The following ACTN1 variants were observed in gnomAD, a reference collection of about 807,000 sequenced individuals.
The protein encoded by ACTN1 is actinin alpha 1.
ACTN1 carries 30 observed loss-of-function variants against 119.6 expected under a neutral mutation model. The ratio of observed to expected loss-of-function variants is 0.25; its 90% confidence interval spans 0.19 to 0.34. The LOEUF (loss-of-function observed/expected upper bound fraction) is 0.34, where lower values mean the gene tolerates loss of function less well. Among genes scored for constraint, ACTN1 ranks in the 10% least tolerant of loss-of-function variants. ACTN1 has a pLI of 1.00. For missense variants in ACTN1, 764 were observed against 1,223.4 expected, an observed-to-expected ratio of 0.62 and a Z score of 5.60; for synonymous variants, 429 against 472.6, an observed-to-expected ratio of 0.91 and a Z score of 1.20.
At chr14:68,901,389 A>C (rs2033321738) in intron 8 of ACTN1, among the ~76,000 whole-genome samples, 1 of 151,852 alleles carries the variant, frequency 6.6e-6, no homozygotes, top group African/African-American at 2.4e-5. Flanking sequence ...CTGGGATTAC[A>C]GGAGGGTGCT....
intron 21 of ACTN1, among the ~76,000 whole-genome samples, chr14:68,875,542 C>A (rs1461095177): frequency 6.6e-6 from 1 of 152,258 alleles, no homozygotes; most frequent in Non-Finnish European, 1.5e-5. Context: ...GCGGGCCTTG[C>A]CCCATGCAAG....
At chr14:68,950,027 G>A (rs8011633) in intron 1 of ACTN1, among the ~76,000 whole-genome samples, 45,943 of 151,960 alleles carry the variant, frequency 0.3, 8,062 homozygotes, top group African/African-American at 0.49. Context: ...TGGGCGCTGC[G>A]GCTCACACCT....
At chr14:68,958,847 G>A (rs575136891) in intron 1 of ACTN1, among the ~76,000 whole-genome samples, 5 of 152,282 alleles carry the variant, frequency 3.3e-5, no homozygotes, top group East Asian at 3.9e-4. Context: ...CTTCCTGAAG[G>A]GCCTCATCCC....
chr14:68,935,725 C>G (rs2035470882), intron 1 of ACTN1, among the ~76,000 whole-genome samples: 1 of 152,292 alleles, frequency 6.6e-6, no homozygotes, highest in East Asian at 1.9e-4. Flanking sequence ...AACACACAAT[C>G]CAGGCCATCC....
At chr14:68,934,317 G>A (rs566174396) in intron 1 of ACTN1, among the ~76,000 whole-genome samples, 171 of 152,362 alleles carry the variant, frequency 1.1e-3, no homozygotes, top group Admixed American at 2.4e-3. Flanking sequence ...GGCAGCGGGC[G>A]CGCCTCTCCT....
chr14:68,924,597 G>A (rs2034824948), intron 2 of ACTN1, among the ~76,000 whole-genome samples: 1 of 152,230 alleles, frequency 6.6e-6, no homozygotes, highest in African/African-American at 2.4e-5. Flanking sequence ...GGAACAGTGT[G>A]ACCATATTTG....
At chr14:68,964,416 G>A (rs1292227698) in intron 1 of ACTN1, among the ~76,000 whole-genome samples, 1 of 152,220 alleles carries the variant, frequency 6.6e-6, no homozygotes, top group Non-Finnish European at 1.5e-5. Flanking sequence ...GGAATGTACG[G>A]GTCAGGAGAG....
At chr14:68,910,122 T>C (rs1594799975) in intron 4 of ACTN1, 80 bp from the exon 5 acceptor site, 2 of 1,178,374 alleles carry the variant, frequency 1.7e-6, no homozygotes, top group East Asian at 2.4e-5. Context: ...GAGGCCCCAC[T>C]GTGACCCTTT....
chr14:68,896,893 G>A lies in ACTN1; in HGVS notation c.763-3146C>T, dbSNP rs538400801. Among the ~76,000 whole-genome samples, 7 of 152,340 alleles carry A rather than the reference G, an allele frequency of 4.6e-5. No individual in the cohort carries two copies. The South Asian group carries it at 1.5e-3, about 32-fold the overall frequency. On this transcript the variant is annotated intron_variant, in intron 8 of 21. Transcript: ENST00000394419. ...GCTTCAGAAAATATTCTCTGGAAAT[G>A]AGCAAAATGTTGCTTCCAAGTGCCA...
chr14:68,938,095 A>G (rs1313095161), intron 1 of ACTN1, among the ~76,000 whole-genome samples: 1 of 152,180 alleles, frequency 6.6e-6, no homozygotes, highest in Non-Finnish European at 1.5e-5. Flanking sequence ...CTGGCATGGT[A>G]AATAGGAGTA....
Position 68,879,257 on chromosome 14 carries a change from AG to A in ACTN1, c.2281-189del, listed in dbSNP as rs1402818630. 1.1e-4 allele frequency among the ~76,000 whole-genome samples: 16 copies of A among 151,892 alleles called. No homozygotes were observed. The highest frequency in any genetic ancestry group is 8.3e-4 in the South Asian group (4 of 4,832). The stretch of plus-strand genomic sequence containing the variant: ...CGGTTAGACACACCAACGAGGCTCC[AG>A]GGGGTGCCCTCCCCCCAGCACACGC... On this transcript the variant is annotated intron_variant, in intron 18 of 21. Coordinates refer to ENST00000394419, the MANE Select transcript of ACTN1 (RefSeq NM_001130004.2). The surrounding 1 kb of genome is among the most constrained non-coding windows in gnomAD (Gnocchi z 4.9).
Position 68,878,841 on chromosome 14 carries a change from GGC to G in ACTN1, c.2361+146_2361+147del. 1 of 1,595,532 alleles carries G rather than the reference GGC, an allele frequency of 6.3e-7. No homozygotes were observed. The highest frequency in any genetic ancestry group is 8.5e-7 in the Non-Finnish European group (1 of 1,178,080). ...AGGGCAGAGGGTGGACCAGTGATGG[GGC>G]AGACAGAGACAGCAGGAGAGGACGA... is the stretch of plus-strand genomic sequence containing the variant. On this transcript the variant is annotated intron_variant, in intron 19 of 21. Transcript: ENST00000394419. This position sits in a 1 kb window ranked among gnomAD's most constrained non-coding sequence, Gnocchi z 4.4.
intron 1 of ACTN1, among the ~76,000 whole-genome samples, chr14:68,959,958 T>A (rs2036473574): frequency 6.6e-6 from 1 of 152,196 alleles, no homozygotes; most frequent in South Asian, 2.1e-4. Flanking sequence ...CACATCGACA[T>A]CCATGTTGTA....
At chr14:68,897,037 C>T (rs1223787301) in intron 8 of ACTN1, among the ~76,000 whole-genome samples, 2 of 152,176 alleles carry the variant, frequency 1.3e-5, no homozygotes, top group Non-Finnish European at 2.9e-5. Context: ...GGCTGGAGTG[C>T]GATGGCACAA....
At chr14:68,877,007 A>G (rs2030974542) in intron 21 of ACTN1, 75 bp downstream of exon 21, 1 of 1,554,460 alleles carries the variant, frequency 6.4e-7, no homozygotes, top group Non-Finnish European at 8.7e-7. Context: ...TTCATGTTCC[A>G]GCTCTCACCC....
chr14:68,934,862 A>G (rs2035411670), intron 1 of ACTN1, among the ~76,000 whole-genome samples: 1 of 152,256 alleles, frequency 6.6e-6, no homozygotes, highest in Admixed American at 6.5e-5. Context: ...GACTGTATGT[A>G]CTGCAAGTTT....
At chr14:68,881,492 TTCTG>T (rs2031508276) in intron 16 of ACTN1, among the ~76,000 whole-genome samples, 1 of 152,192 alleles carries the variant, frequency 6.6e-6, no homozygotes, top group South Asian at 2.1e-4. Context: ...TAATGCCCAT[TTCTG>T]TCTGTTATTC....
At chr14:68,939,354 C>T (rs2140483082) in intron 1 of ACTN1, among the ~76,000 whole-genome samples, 1 of 152,380 alleles carries the variant, frequency 6.6e-6, no homozygotes, top group South Asian at 2.1e-4. Flanking sequence ...CCAGCTAGCT[C>T]TGTCCAGTAC....
intron 1 of ACTN1, among the ~76,000 whole-genome samples, chr14:68,928,160 C>T (rs1185770904): frequency 2.0e-5 from 3 of 152,180 alleles, no homozygotes; most frequent in East Asian, 3.8e-4. Flanking sequence ...ACTACCCAGT[C>T]GTGGAGGGGG....
Sources: gnomAD v4.1 joint callset for allele counts (sites outside exome capture counted in the v4.1 genomes callset) on GRCh38, gnomAD v4.1.1 for gene constraint, Gnocchi (gnomAD v3.1) non-coding constraint, MANE v1.5 for transcripts, NCBI Gene and HGNC (gene_info 2026-07-23, HGNC 2026-07-21) for gene names.